Variants in HERC5 observed in about 807,000 individuals in gnomAD.
HERC5 encodes the protein E3 ISG15--protein ligase HERC5.
Under a neutral mutation model 119.6 loss-of-function variants are expected in HERC5, and 99 were observed. The ratio of observed to expected loss-of-function variants is 0.83; its 90% CI spans 0.70 to 0.98. The LOEUF is 0.98. Among genes scored for constraint, HERC5 ranks in the 50% least tolerant of loss-of-function variants. The probability of loss-of-function intolerance (pLI) is 0.00; values close to 1 mark genes in which losing one functional copy is unlikely to be tolerated. For synonymous variants in HERC5, 478 were observed against 445.9 expected (o/e 1.07, Z -0.91); for missense variants, 1,267 against 1,241.3 (o/e 1.02, Z -0.31).
chr4:88,472,551 T>C (rs1286851403), intron 11 of HERC5, 49 bp downstream of exon 11: 1 of 1,052,856 alleles, frequency 9.5e-7, no homozygotes, highest in Non-Finnish European at 1.5e-6. Context: ...AGAATATTTC[T>C]TAAAAGAACT....
chr4:88,497,288 T>C (rs959187975), intron 18 of HERC5, among the ~76,000 whole-genome samples: 1 of 152,126 alleles, frequency 6.6e-6, no homozygotes, highest in African/African-American at 2.4e-5. Context: ...TGGCAAGGGC[T>C]CAGAAGAAGA....
rs1433875324 is a variant in HERC5 at position 88,467,066 on chromosome 4, A to C, written c.919A>C (p.Thr307Pro). 1 of 1,614,130 alleles carries C rather than the reference A, an allele frequency of 6.2e-7. No homozygotes were observed. Among genetic ancestry groups the C allele is most frequent in the Non-Finnish European group, 8.5e-7 (1 of 1,179,968 alleles). ...TGTGCTTTTATTTAATAGGTGGCAC[A>C]CACTTGCCTATGTTTCTGATTTGGG... The part of the protein sequence containing the change: ...VTQIACGRWH[T>P]LAYVSDLGKV... Residue 307 changes from threonine (T) to proline (P), a missense_variant, in exon 7 of 23, where the codon ACA becomes CCA. This residue lies in a region of HERC5 where 777 missense variants were observed against 758.0 expected (regional missense o/e 1.03). Coordinates refer to ENST00000264350, the MANE Select transcript of HERC5 (RefSeq NM_016323.4).
intron 12 of HERC5, among the ~76,000 whole-genome samples, chr4:88,477,152 A>C (rs1384367959): frequency 7.1e-6 from 1 of 141,452 alleles, no homozygotes; most frequent in African/African-American, 2.7e-5. Context: ...TCTACTAAAA[A>C]TATAATCAGT....
chr4:88,462,157 A>G lies in HERC5; in HGVS notation c.489A>G (p.Gly163=), dbSNP rs61755702. 149 of 1,613,982 alleles carry G rather than the reference A, an allele frequency of 9.2e-5. No homozygotes were observed. The African/African-American group carries it at 1.7e-3, about 19-fold the overall frequency. Residue 163 remains glycine, a synonymous_variant, in exon 4 of 23, where the codon GGA becomes GGG. Transcript: ENST00000264350. ...LSKGGELFAW[G]QNLHGQLGVG... Reference sequence around the variant, plus strand: ...AAGGTGGTGAGCTTTTTGCCTGGGGACAGAACCTGCATGGGCAGCTTGGAG... The same window carrying G: ...AAGGTGGTGAGCTTTTTGCCTGGGGGCAGAACCTGCATGGGCAGCTTGGAG...
rs1742084681 is a variant in HERC5, at chr4:88,505,701, A to C, written c.2898A>C (p.Gln966His). Residue 966 changes from glutamine to histidine, a missense_variant, in exon 23 of 23, where the codon CAA becomes CAC. Gln to His is a conservative substitution (Grantham distance 24, BLOSUM62 0). Transcript: ENST00000264350. ...LVFLTGTDRL[Q>H]MKDLNNMKIT... ...TTCTTACAGGAACTGACAGACTACA[A>C]ATGAAAGATTTAAATAATATGAAAA... The C allele has an allele frequency of 1.9e-6, 3 of 1,587,640 alleles. No individual in the cohort carries two copies. Among genetic ancestry groups the C allele is most frequent in the Middle Eastern group, 1.7e-4 (1 of 6,016 alleles).
At chr4:88,486,605 A>G (rs1741473987) in intron 14 of HERC5, among the ~76,000 whole-genome samples, 1 of 152,150 alleles carries the variant, frequency 6.6e-6, no homozygotes, top group Non-Finnish European at 1.5e-5. Context: ...ATTTTCTGAA[A>G]ATACAGTTGA....
At position 88,463,536 on chromosome 4, in the gene HERC5, A is replaced by G; in HGVS notation, c.693A>G (p.Lys231=). ...GCTATTTTTTTCCTTACATAGGTAA[A>G]GATGATCCATCCCTTATTGAAGGAC... is the stretch of plus-strand genomic sequence containing the variant. ...GQLGLGHTES[K]DDPSLIEGLD... The change falls in exon 5 of 23, where the codon AAA becomes AAG. Residue 231 remains lysine (K), a synonymous_variant. Coordinates refer to ENST00000264350, the MANE Select transcript of HERC5 (RefSeq NM_016323.4). 1 of 1,611,868 alleles carries G rather than the reference A, an allele frequency of 6.2e-7. No homozygotes were observed. Among genetic ancestry groups the G allele is most frequent in the Non-Finnish European group, 8.5e-7 (1 of 1,178,196 alleles).
rs551702969 is a variant in HERC5, at chr4:88,465,882, A to G, written c.912-1177A>G. Among the ~76,000 whole-genome samples, 3 of 152,372 alleles carry G rather than the reference A, an allele frequency of 2.0e-5. No homozygotes were observed. The South Asian group carries it at 6.2e-4, about 32-fold the overall frequency. On this transcript the variant is annotated intron_variant, in intron 6 of 22. Coordinates refer to ENST00000264350, the MANE Select transcript of HERC5 (RefSeq NM_016323.4). The stretch of plus-strand genomic sequence containing the variant: ...TGTCACCTCCCCTTGGAGCAGGTGG[A>G]TGGTGTTATCTCTTCTGGCCTGATA...
At chr4:88,475,421 C>T (rs569958950) in intron 11 of HERC5, among the ~76,000 whole-genome samples, 25 of 149,600 alleles carry the variant, frequency 1.7e-4, no homozygotes, top group Admixed American at 1.1e-3. Flanking sequence ...CAGGTTCAAG[C>T]GATTCTCCTG....
chr4:88,464,822 G>A (rs1740595597), intron 6 of HERC5, among the ~76,000 whole-genome samples: 1 of 152,114 alleles, frequency 6.6e-6, no homozygotes, highest in Admixed American at 6.5e-5. Context: ...AAAGGCTGGA[G>A]TGCGGTGGCG....
At chr4:88,470,510 A>T in intron 9 of HERC5, 104 bp from the exon 10 acceptor site, 2 of 648,512 alleles carry the variant, frequency 3.1e-6, no homozygotes, top group Non-Finnish European at 5.5e-6. Context: ...TTGGAAGGAT[A>T]GTTATAAGAT....
chr4:88,472,466 C>G lies in HERC5; in HGVS notation c.1356C>G (p.Phe452Leu), dbSNP rs745785472. The G allele has an allele frequency of 3.7e-6, 6 of 1,602,688 alleles. No homozygotes were observed. In the African/African-American group the frequency reaches 6.7e-5, roughly 18 times the overall value. ...YLDLNKARNI[F>L]KELTQKDWIT... ...ACTTAAATAAAGCAAGAAACATCTT[C>G]AAGGAGTTAACCCAAAAGGACTGGA... The change falls in exon 11 of 23, where the codon TTC becomes TTG. Residue 452 changes from phenylalanine to leucine, a missense_variant. By Grantham distance (22) the Phe-to-Leu change is conservative. Transcript: ENST00000264350.
chr4:88,469,643 A>T, intron 9 of HERC5, among the ~76,000 whole-genome samples: 1 of 152,174 alleles, frequency 6.6e-6, no homozygotes, highest in East Asian at 1.9e-4. Flanking sequence ...AAGGCCTTCA[A>T]CTGGATGAGG....
rs756708717 is a variant in HERC5, at chr4:88,472,412, A to G, written c.1302A>G (p.Arg434=). 1 of 1,554,546 alleles carries G rather than the reference A, an allele frequency of 6.4e-7. No homozygotes were observed. The highest frequency in any genetic ancestry group is 1.2e-5 in the South Asian group (1 of 86,836). Residue 434 remains arginine (R), a synonymous_variant, in exon 11 of 23, where the codon AGA becomes AGG. Transcript: ENST00000264350. ...TTAATTTATCTTTCTTCTACAGAAG[A>G]ACTACAGAAATGATGCCTGTTTATT... ...CLTGSFLRKR[R]TTEMMPVYLD... is the part of the protein sequence containing the mutation.
intron 15 of HERC5, among the ~76,000 whole-genome samples, chr4:88,488,130 T>C (rs1336757149): frequency 6.6e-6 from 1 of 152,192 alleles, no homozygotes; most frequent in Non-Finnish European, 1.5e-5. Flanking sequence ...GCTTCAACTC[T>C]TATAACCTAT....
intron 9 of HERC5, among the ~76,000 whole-genome samples, chr4:88,470,159 C>G (rs1447087026): frequency 2.6e-5 from 4 of 152,204 alleles, no homozygotes; most frequent in African/African-American, 7.2e-5. Context: ...ATAGTTGCAT[C>G]ATAATTTGCA....
chr4:88,488,024 A>G (rs144746644), intron 15 of HERC5, among the ~76,000 whole-genome samples: 48 of 152,304 alleles, frequency 3.2e-4, no homozygotes, highest in African/African-American at 1.1e-3. Flanking sequence ...TTACCATAAT[A>G]AAAATGGGAA....
chr4:88,485,090 G>A (rs1382394222), intron 13 of HERC5, among the ~76,000 whole-genome samples: 1 of 150,476 alleles, frequency 6.6e-6, no homozygotes, highest in Non-Finnish European at 1.5e-5. Context: ...TTTGTGTTTT[G>A]AAAAAATGAG....
intron 20 of HERC5, among the ~76,000 whole-genome samples, chr4:88,503,130 C>T (rs1741994655): frequency 1.3e-5 from 2 of 152,038 alleles, no homozygotes; most frequent in Non-Finnish European, 2.9e-5. Context: ...AGAAGCTTAT[C>T]ATTTTATTTC....
Sources: gnomAD v4.1 joint callset for allele counts (sites outside exome capture counted in the v4.1 genomes callset) on GRCh38, gnomAD v4.1.1 for gene constraint, gnomAD v4.1.1 regional missense constraint, MANE v1.5 for transcripts, NCBI Gene and HGNC (gene_info 2026-07-23, HGNC 2026-07-21) for gene names.